The following EYA1 variants were observed in gnomAD, a reference collection of about 807,000 sequenced individuals.
EYA1 encodes the protein EYA transcriptional coactivator and phosphatase 1.
Under a neutral mutation model 82.0 loss-of-function variants are expected in EYA1, and 16 were observed. The observed-to-expected ratio is 0.20, with a 90% CI of 0.13 to 0.30. The LOEUF is 0.30. Ranked by LOEUF, EYA1 falls within the 10% of genes least tolerant of loss-of-function variation. The pLI, the probability that EYA1 is intolerant of heterozygous loss-of-function variation, is 1.00. For synonymous variants in EYA1, 261 were observed against 264.4 expected (o/e 0.99, Z 0.12); for missense variants, 633 against 730.7 (o/e 0.87, Z 1.54).
chr8:71,389,653 G>A (rs1365813161), intron 2 of EYA1, among the ~76,000 whole-genome samples: 1 of 152,114 alleles, frequency 6.6e-6, no homozygotes, highest in Non-Finnish European at 1.5e-5. Context: ...GGAAAAAACT[G>A]ATTCAAAAAA....
chr8:71,545,527 T>C (rs1158752001), intron 1 of EYA1, among the ~76,000 whole-genome samples: 2 of 151,682 alleles, frequency 1.3e-5, no homozygotes, highest in African/African-American at 4.8e-5. Flanking sequence ...AACTCCACTA[T>C]TAGATTTTTT....
intron 2 of EYA1, among the ~76,000 whole-genome samples, chr8:71,428,864 G>T (rs984163177): frequency 1.3e-5 from 2 of 150,470 alleles, no homozygotes; most frequent in Non-Finnish European, 3.0e-5. Flanking sequence ...AAATCTCTAA[G>T]TTTAATAACA....
intron 2 of EYA1, among the ~76,000 whole-genome samples, chr8:71,523,200 A>T (rs1341926341): frequency 1.2e-5 from 1 of 84,522 alleles, no homozygotes; most frequent in Non-Finnish European, 1.9e-5. Context: ...TTTTTTTGAG[A>T]CGGAGTCTCG....
At chr8:71,247,943 C>T (rs1357382666) in intron 11 of EYA1, among the ~76,000 whole-genome samples, 1 of 152,134 alleles carries the variant, frequency 6.6e-6, no homozygotes. Flanking sequence ...AATTTATGTG[C>T]CATAGTATTG....
chr8:71,366,280 A>C (rs1326154301), upstream of EYA1, among the ~76,000 whole-genome samples: 1 of 152,176 alleles, frequency 6.6e-6, no homozygotes, highest in East Asian at 1.9e-4. Flanking sequence ...AAAATGATAA[A>C]ACAGATTTCC....
At chr8:71,413,349 G>T (rs1439204047) in intron 2 of EYA1, among the ~76,000 whole-genome samples, 1 of 152,150 alleles carries the variant, frequency 6.6e-6, no homozygotes, top group African/African-American at 2.4e-5. Context: ...TATTCAGCAA[G>T]GATTTGAGTG....
At chr8:71,342,278 G>A (rs1276564120) in intron 3 of EYA1, among the ~76,000 whole-genome samples, 3 of 152,130 alleles carry the variant, frequency 2.0e-5, no homozygotes, top group Non-Finnish European at 4.4e-5. Context: ...TCCACAGTTT[G>A]GCTCCAACTG....
intron 2 of EYA1, chr8:71,404,965 G>A (rs1830142486): frequency 6.8e-6 from 1 of 146,860 alleles, no homozygotes; most frequent in Non-Finnish European, 1.5e-5. Context: ...ACAAAAGGAA[G>A]GGATAACACA....
chr8:71,218,156 A>C (rs1359334729), intron 12 of EYA1, among the ~76,000 whole-genome samples: 1 of 152,104 alleles, frequency 6.6e-6, no homozygotes, highest in Non-Finnish European at 1.5e-5. Context: ...ATTAAAAGAA[A>C]TTTCCAGGCG....
chr8:71,475,481 C>T (rs1284947751), intron 2 of EYA1, among the ~76,000 whole-genome samples: 1 of 152,128 alleles, frequency 6.6e-6, no homozygotes, highest in African/African-American at 2.4e-5. Context: ...CAAATTCTGC[C>T]TGTCTTTTTA....
At chr8:71,437,084 TA>T (rs1660338048) in intron 2 of EYA1, among the ~76,000 whole-genome samples, 1 of 38,256 alleles carries the variant, frequency 2.6e-5, no homozygotes, top group Non-Finnish European at 5.8e-5. Flanking sequence ...CCATCTTGTT[TA>T]TATATATATA....
intron 12 of EYA1, among the ~76,000 whole-genome samples, chr8:71,241,941 A>G (rs1812522273): frequency 1.3e-5 from 2 of 152,148 alleles, no homozygotes; most frequent in African/African-American, 4.8e-5. Context: ...GCAGTGACTC[A>G]TGCCTGTAAT....
At chr8:71,473,878 G>A (rs1005827906) in intron 2 of EYA1, among the ~76,000 whole-genome samples, 2 of 152,134 alleles carry the variant, frequency 1.3e-5, no homozygotes, top group African/African-American at 4.8e-5. Context: ...CCATAAAAAG[G>A]ATGAGTTCAT....
At chr8:71,248,679 C>T (rs1275615426) in intron 11 of EYA1, among the ~76,000 whole-genome samples, 1 of 152,216 alleles carries the variant, frequency 6.6e-6, no homozygotes, top group Non-Finnish European at 1.5e-5. Flanking sequence ...GATAATTCTG[C>T]TCATGGAATT....
At position 71,464,660 on chromosome 8, in the gene EYA1, C is replaced by A. The variant is rs113579257; in HGVS notation, c.33+71084G>T. ...TCAAAATTTTGTTTAGGGACAATTG[C>A]AATACAACTTATTAATATAATTTGA... On this transcript the variant is annotated intron_variant, in intron 2 of 18. Coordinates refer to the EYA1 transcript ENST00000643681. 1.0e-3 allele frequency among the ~76,000 whole-genome samples: 159 copies of A among 152,216 alleles called. 1 individual carries two copies. Among genetic ancestry groups the A allele is most frequent in the African/African-American group, 3.6e-3 (151 of 41,530 alleles).
chr8:71,398,903 A>G (rs1829789077), intron 2 of EYA1, among the ~76,000 whole-genome samples: 1 of 152,218 alleles, frequency 6.6e-6, no homozygotes, highest in South Asian at 2.1e-4. Context: ...GGTGGAGTCT[A>G]CAGAGGTAGG....
At chr8:71,389,058 GCAA>G (rs1402601802) in intron 2 of EYA1, among the ~76,000 whole-genome samples, 4 of 151,652 alleles carry the variant, frequency 2.6e-5, no homozygotes, top group Non-Finnish European at 4.4e-5. Context: ...AGACAGTCAA[GCAA>G]CAACAACAGA....
At chr8:71,510,679 A>T (rs545142095) in intron 2 of EYA1, among the ~76,000 whole-genome samples, 4 of 152,324 alleles carry the variant, frequency 2.6e-5, no homozygotes, top group African/African-American at 7.2e-5. Flanking sequence ...CCTGACCTTG[A>T]CACATAGGGG....
chr8:71,439,654 T>C (rs1292597019), intron 2 of EYA1, among the ~76,000 whole-genome samples: 1 of 152,220 alleles, frequency 6.6e-6, no homozygotes. Context: ...GAAATAGAGT[T>C]GTAAAGCTTA....
Sources: gnomAD v4.1 joint callset for allele counts (sites outside exome capture counted in the v4.1 genomes callset) on GRCh38, gnomAD v4.1.1 for gene constraint, MANE v1.5 for transcripts, NCBI Gene and HGNC (gene_info 2026-07-23, HGNC 2026-07-21) for gene names.